The following CADPS variants were observed in gnomAD, a reference collection of about 807,000 sequenced individuals.
The protein encoded by CADPS is calcium dependent secretion activator, also known as calcium-dependent secretion activator 1.
Under a neutral mutation model 167.3 loss-of-function variants are expected in CADPS, and 57 were observed. That is an observed-to-expected ratio of 0.34 (90% CI 0.28 to 0.42). CADPS has a LOEUF of 0.42. CADPS is among the 20% of genes least tolerant of loss of function. The probability of loss-of-function intolerance (pLI) is 1.00; values close to 1 mark genes in which losing one functional copy is unlikely to be tolerated. For synonymous variants in CADPS, 676 were observed against 635.3 expected (o/e 1.06, Z -0.96); for missense variants, 1,414 against 1,738.1 (o/e 0.81, Z 3.32).
chr3:62,766,999 C>CATGA (rs1430613450), intron 1 of CADPS, among the ~76,000 whole-genome samples: 1 of 152,132 alleles, frequency 6.6e-6, no homozygotes, highest in Non-Finnish European at 1.5e-5. Context: ...GGGCTGATTA[C>CATGA]ATGAATGAAT....
intron 6 of CADPS, among the ~76,000 whole-genome samples, chr3:62,597,763 C>G (rs147087442): frequency 1.6e-4 from 24 of 152,288 alleles, no homozygotes; most frequent in African/African-American, 5.8e-4. Flanking sequence ...TCCCTTCCAC[C>G]AGGCCTGCAG....
chr3:62,426,914 A>C (rs1419266397), intron 28 of CADPS, among the ~76,000 whole-genome samples: 1 of 149,242 alleles, frequency 6.7e-6, no homozygotes, highest in Non-Finnish European at 1.5e-5. Context: ...AAAAATACAA[A>C]AAAAAAAAAA....
chr3:62,803,362 G>T (rs529191690), intron 1 of CADPS, among the ~76,000 whole-genome samples: 2 of 148,036 alleles, frequency 1.4e-5, no homozygotes, highest in South Asian at 2.1e-4. Context: ...TATATAGCAG[G>T]GATTCTCAAC....
At chr3:62,499,846 G>T (rs2065443277) in intron 17 of CADPS, 1 of 152,402 alleles carries the variant, frequency 6.6e-6, no homozygotes, top group Non-Finnish European at 1.5e-5. Context: ...TCTTAAAAGG[G>T]TGTTAGGAGT....
chr3:62,525,272 G>C (rs1415661593), intron 13 of CADPS, among the ~76,000 whole-genome samples: 2 of 152,060 alleles, frequency 1.3e-5, no homozygotes, highest in Non-Finnish European at 2.9e-5. Context: ...GGGTTAAAAG[G>C]AAACAAGTTC....
intron 4 of CADPS, among the ~76,000 whole-genome samples, chr3:62,662,021 G>A (rs2150482718): frequency 6.6e-6 from 1 of 152,330 alleles, no homozygotes; most frequent in African/African-American, 2.4e-5. Flanking sequence ...GAAATGCCAG[G>A]AAAATGTTTA....
At chr3:62,873,927 A>G (rs1318300214) in intron 1 of CADPS, among the ~76,000 whole-genome samples, 1 of 152,202 alleles carries the variant, frequency 6.6e-6, no homozygotes, top group Non-Finnish European at 1.5e-5. Context: ...AACTCCAGCC[A>G]TAAGGAAGCA....
At chr3:62,822,325 C>CTTATTAAACA (rs1298018946) in intron 1 of CADPS, among the ~76,000 whole-genome samples, 1 of 152,148 alleles carries the variant, frequency 6.6e-6, no homozygotes, top group Non-Finnish European at 1.5e-5. Flanking sequence ...TGCCTAATTA[C>CTTATTAAACA]TTATTAAACA....
chr3:62,669,201 A>G (rs750381699), intron 3 of CADPS, among the ~76,000 whole-genome samples: 7 of 152,080 alleles, frequency 4.6e-5, no homozygotes, highest in Non-Finnish European at 1.0e-4. Context: ...GGGTTCCCAG[A>G]GATTAGTGTC....
chr3:62,670,443 T>A (rs943167193), intron 3 of CADPS, among the ~76,000 whole-genome samples: 2 of 152,198 alleles, frequency 1.3e-5, no homozygotes, highest in African/African-American at 4.8e-5. Context: ...GTGTCTTTCT[T>A]TATCATGCCT....
intron 3 of CADPS, among the ~76,000 whole-genome samples, chr3:62,701,495 G>C (rs1318622878): frequency 1.3e-5 from 2 of 151,750 alleles, no homozygotes; most frequent in Non-Finnish European, 2.9e-5. Flanking sequence ...TGTAGTCCCA[G>C]CTACTCGGGA....
chr3:62,474,230 A>G lies in CADPS; in HGVS notation c.3420T>C (p.Val1140=), dbSNP rs774239450. 6.5e-7 allele frequency: 1 copy of G among 1,538,920 alleles called. No homozygotes were observed. Among genetic ancestry groups the G allele is most frequent in the Non-Finnish European group, 8.8e-7 (1 of 1,142,176 alleles). The change falls in exon 24 of 30, where the codon GTT becomes GTC. Residue 1140 remains valine (V), a synonymous_variant. Transcript: ENST00000383710. ...VPQSICTMFN[V]MVDAKAQSTK... The stretch of plus-strand genomic sequence containing the variant: ...TTGATTGAGCTTTGGCATCAACCAT[A>G]ACATTAAACATGGTGCATATTGACT...
At chr3:62,740,172 T>G (rs2079894862) in intron 3 of CADPS, among the ~76,000 whole-genome samples, 1 of 152,310 alleles carries the variant, frequency 6.6e-6, no homozygotes, top group Non-Finnish European at 1.5e-5. Context: ...TGAGTTCAGT[T>G]AGATTTGTTT....
In CADPS at chr3:62,518,643, T is replaced by C. The variant is rs1196606081; in HGVS notation, c.2292-393A>G. 2.0e-5 allele frequency among the ~76,000 whole-genome samples: 3 copies of C among 152,150 alleles called. No homozygotes were observed. The East Asian group carries it at 5.8e-4, about 29-fold the overall frequency. ...TGTTTTCTTGAAAATTTGGAACAGT[T>C]AGCATTATTAATTGGTGGCTAACAG... On this transcript the variant is annotated intron_variant, in intron 13 of 29. Transcript: ENST00000383710.
intron 1 of CADPS, among the ~76,000 whole-genome samples, chr3:62,801,749 C>A (rs73108361): frequency 6.6e-6 from 1 of 151,620 alleles, no homozygotes; most frequent in Non-Finnish European, 1.5e-5. Flanking sequence ...CCCCGTTTTA[C>A]GGATTAAAAA....
chr3:62,457,250 G>A (rs902849032), intron 26 of CADPS, among the ~76,000 whole-genome samples: 1 of 152,038 alleles, frequency 6.6e-6, no homozygotes, highest in African/African-American at 2.4e-5. Context: ...AGGTCTTATT[G>A]TTCCCATTTT....
intron 10 of CADPS, among the ~76,000 whole-genome samples, chr3:62,556,442 ACT>A (rs1355899480): frequency 1.3e-5 from 2 of 151,970 alleles, no homozygotes; most frequent in African/African-American, 2.4e-5. Context: ...CTTCTCTCAA[ACT>A]CTGTTTTTCT....
intron 1 of CADPS, among the ~76,000 whole-genome samples, chr3:62,869,870 T>C (rs1215836681): frequency 6.6e-6 from 1 of 152,186 alleles, no homozygotes; most frequent in Non-Finnish European, 1.5e-5. Context: ...ATGCTGGTTA[T>C]ATTTCAACAT....
intron 3 of CADPS, among the ~76,000 whole-genome samples, chr3:62,693,805 A>G (rs1017639225): frequency 5.6e-5 from 8 of 141,966 alleles, no homozygotes; most frequent in African/African-American, 8.0e-5. Context: ...AAAAAATTCT[A>G]TTTTCCTTCA....
Sources: gnomAD v4.1 joint callset for allele counts (sites outside exome capture counted in the v4.1 genomes callset) on GRCh38, gnomAD v4.1.1 for gene constraint, MANE v1.5 for transcripts, NCBI Gene and HGNC (gene_info 2026-07-23, HGNC 2026-07-21) for gene names.